ARID1B: variants seen among roughly 807,000 people sequenced by gnomAD.
ARID1B encodes AT-rich interaction domain 1B, also known as AT-rich interactive domain-containing protein 1B.
Under a neutral mutation model 212.3 loss-of-function variants are expected in ARID1B, and 30 were observed. The ratio of observed to expected loss-of-function variants is 0.14; its 90% CI spans 0.11 to 0.19. ARID1B has a LOEUF of 0.19. ARID1B is among the 10% of genes least tolerant of loss of function. The probability of loss-of-function intolerance (pLI) is 1.00; values close to 1 mark genes in which losing one functional copy is unlikely to be tolerated. For missense variants in ARID1B, 2,891 were observed against 3,204.0 expected (o/e 0.90, Z 2.36); for synonymous variants, 1,402 against 1,301.7 (o/e 1.08, Z -1.66).
chr6:156,967,680 TATC>T (rs943869556), intron 4 of ARID1B, among the ~76,000 whole-genome samples: 13 of 152,364 alleles, frequency 8.5e-5, no homozygotes, highest in African/African-American at 3.1e-4. Context: ...TCATTGTTAT[TATC>T]ATGAAAATTT....
At chr6:157,011,114 A>G (rs1235370041) in intron 4 of ARID1B, among the ~76,000 whole-genome samples, 1 of 152,062 alleles carries the variant, frequency 6.6e-6, no homozygotes, top group Admixed American at 6.6e-5. Context: ...ACTTCTTTTC[A>G]TTTGTTCTAC....
chr6:157,072,983 G>T (rs1433729602), intron 4 of ARID1B, among the ~76,000 whole-genome samples: 1 of 152,078 alleles, frequency 6.6e-6, no homozygotes, highest in Non-Finnish European at 1.5e-5. Flanking sequence ...AGTGCCAAAG[G>T]CCATTTGCTT....
intron 2 of ARID1B, among the ~76,000 whole-genome samples, chr6:156,840,646 G>A (rs1290240122): frequency 1.3e-5 from 2 of 152,166 alleles, no homozygotes; most frequent in African/African-American, 4.8e-5. Context: ...CTAGAATCCC[G>A]GTGCCCAGGT....
At position 157,123,180 on chromosome 6, in the gene ARID1B, TTC is replaced by T. The variant is rs946950386; in HGVS notation, c.2582-9844_2582-9843del. On this transcript the variant is annotated intron_variant, in intron 6 of 19. Transcript: ENST00000636930. Reference sequence around the variant, plus strand: ...ATACTCGATGGGGATTTTGAGATCTTTCTCTGTCTCTGTCTCTGTCTCTCTCT... The same window carrying T: ...ATACTCGATGGGGATTTTGAGATCTTTCTGTCTCTGTCTCTGTCTCTCTCT... Among the ~76,000 whole-genome samples, 12 of 146,488 alleles carry T rather than the reference TTC, an allele frequency of 8.2e-5. No homozygotes were observed. The South Asian group carries it at 1.2e-3, about 14-fold the overall frequency.
At chr6:157,123,384 C>G (rs1583348275) in intron 6 of ARID1B, among the ~76,000 whole-genome samples, 1 of 152,248 alleles carries the variant, frequency 6.6e-6, no homozygotes, top group East Asian at 1.9e-4. Flanking sequence ...CTTTTCTGAG[C>G]CAAATAACAT....
At chr6:157,009,094 T>C (rs1779411728) in intron 4 of ARID1B, among the ~76,000 whole-genome samples, 1 of 152,192 alleles carries the variant, frequency 6.6e-6, no homozygotes, top group African/African-American at 2.4e-5. Flanking sequence ...ATTCTTCATA[T>C]AGGGTTTAGG....
rs1056753538 is a variant in ARID1B, at chr6:156,859,530, TA to T, written c.1986+30120del. ...ACTTGATGTTTAGATTTTAGTTCTT[TA>T]AAAAAAAAAATTCTAGTGTTTACAG... is the stretch of plus-strand genomic sequence containing the variant. On this transcript the variant is annotated intron_variant, in intron 2 of 19. Coordinates refer to ENST00000636930, the MANE Select transcript of ARID1B (RefSeq NM_001374828.1). Among the ~76,000 whole-genome samples the T allele has an allele frequency of 4.3e-4, 64 of 149,188 alleles. 1 individual carries two copies. The highest frequency in any genetic ancestry group is 1.3e-3 in the African/African-American group (54 of 40,820).
chr6:157,116,752 C>T (rs530068390), intron 6 of ARID1B, among the ~76,000 whole-genome samples: 1 of 152,028 alleles, frequency 6.6e-6, no homozygotes, highest in Admixed American at 6.6e-5. Flanking sequence ...TCCAGAATTA[C>T]TGAATAACAG....
chr6:156,919,889 C>T (rs1368842294), intron 3 of ARID1B, among the ~76,000 whole-genome samples: 1 of 152,170 alleles, frequency 6.6e-6, no homozygotes, highest in African/African-American at 2.4e-5. Context: ...CTTCAAACAC[C>T]TTAAGAGGAG....
intron 3 of ARID1B, among the ~76,000 whole-genome samples, chr6:156,921,173 T>A (rs778209395): frequency 5.3e-5 from 8 of 152,134 alleles, no homozygotes; most frequent in Non-Finnish European, 1.2e-4. Flanking sequence ...ATTAGTCACC[T>A]TGCTTGGAAA....
chr6:156,783,493 T>G (rs1475586167), intron 1 of ARID1B, among the ~76,000 whole-genome samples: 3 of 152,170 alleles, frequency 2.0e-5, no homozygotes, highest in Admixed American at 2.0e-4. Flanking sequence ...TCAGTTCTAT[T>G]TTTTATTAAT....
At chr6:157,114,907 C>T (rs780576031) in intron 6 of ARID1B, among the ~76,000 whole-genome samples, 5 of 152,100 alleles carry the variant, frequency 3.3e-5, no homozygotes, top group East Asian at 1.9e-4. Context: ...GAGCCTAAGT[C>T]CCCCCAGTTT....
intron 6 of ARID1B, among the ~76,000 whole-genome samples, chr6:157,127,647 G>T (rs1241354732): frequency 6.6e-6 from 1 of 151,482 alleles, no homozygotes; most frequent in African/African-American, 2.4e-5. Context: ...ATGGTGGCAG[G>T]CGCCTGTAAT....
intron 2 of ARID1B, among the ~76,000 whole-genome samples, chr6:156,842,454 C>T (rs1445560067): frequency 6.6e-6 from 1 of 152,200 alleles, no homozygotes; most frequent in Non-Finnish European, 1.5e-5. Context: ...TCATTCCTTT[C>T]TATGGCTTAA....
At chr6:157,035,689 A>G (rs1781282096) in intron 4 of ARID1B, among the ~76,000 whole-genome samples, 1 of 152,204 alleles carries the variant, frequency 6.6e-6, no homozygotes, top group African/African-American at 2.4e-5. Flanking sequence ...TTTTCTATGA[A>G]AACGAGGCTG....
Position 156,932,643 on chromosome 6 carries a change from T to C in ARID1B, c.2137-2823T>C, listed in dbSNP as rs372686946. ...GCTCTTCTTGAGATGAAAATAAGTA[T>C]GTACCAAAAAATAAATATAGCTTTT... On this transcript the variant is annotated intron_variant, in intron 3 of 19. Transcript: ENST00000636930. 5.3e-5 allele frequency among the ~76,000 whole-genome samples: 8 copies of C among 152,326 alleles called. No individual in the cohort carries two copies. The South Asian group carries it at 1.2e-3, about 24-fold the overall frequency.
chr6:156,892,911 TAA>T (rs1289957900), intron 2 of ARID1B, among the ~76,000 whole-genome samples: 13 of 152,118 alleles, frequency 8.5e-5, no homozygotes, highest in Non-Finnish European at 1.8e-4. Flanking sequence ...ATAAAAACAA[TAA>T]GTCTTTCAAA....
At chr6:157,089,637 A>G (rs1426425180) in intron 5 of ARID1B, among the ~76,000 whole-genome samples, 2 of 152,168 alleles carry the variant, frequency 1.3e-5, no homozygotes, top group Non-Finnish European at 2.9e-5. Context: ...GAACAGAAAC[A>G]CAAACGCTGT....
chr6:157,137,603 C>T (rs1789027252), intron 7 of ARID1B, among the ~76,000 whole-genome samples: 1 of 152,150 alleles, frequency 6.6e-6, no homozygotes, highest in Non-Finnish European at 1.5e-5. Flanking sequence ...ATACTTTTTG[C>T]ATGTTGTTAT....
Sources: allele counts gnomAD v4.1 joint callset (sites outside exome capture counted in the v4.1 genomes callset), GRCh38; gene constraint gnomAD v4.1.1; transcripts MANE v1.5; gene names NCBI Gene and HGNC (gene_info 2026-07-23, HGNC 2026-07-21).